Variants in WDFY4 observed in about 807,000 individuals in gnomAD.
WDFY4 encodes the protein WD repeat- and FYVE domain-containing protein 4.
WDFY4 carries 169 observed loss-of-function variants against 351.9 expected under a neutral mutation model. The observed-to-expected ratio is 0.48, with a 90% CI of 0.42 to 0.55. WDFY4 has a LOEUF of 0.55. Ranked by LOEUF, WDFY4 falls within the 20% of genes least tolerant of loss-of-function variation. The pLI, the probability that WDFY4 is intolerant of heterozygous loss-of-function variation, is 0.00. For missense variants in WDFY4, 3,803 were observed against 3,935.6 expected, an observed-to-expected ratio of 0.97 and a Z score of 0.90; for synonymous variants, 1,622 against 1,574.6, an observed-to-expected ratio of 1.03 and a Z score of -0.71.
intron 43 of WDFY4, among the ~76,000 whole-genome samples, chr10:48,884,551 T>C (rs2070380636): frequency 8.6e-6 from 1 of 116,506 alleles, no homozygotes; most frequent in African/African-American, 3.2e-5. Context: ...CATACACACA[T>C]GCACACACAC....
chr10:48,806,190 A>AG (rs1390913020), intron 27 of WDFY4, 95 bp downstream of exon 27: 2 of 1,277,406 alleles, frequency 1.6e-6, no homozygotes. Context: ...TAAGTAAGGA[A>AG]GGGGAAGGCA....
chr10:48,942,107 G>T (rs902597050), intron 48 of WDFY4, among the ~76,000 whole-genome samples: 1 of 152,138 alleles, frequency 6.6e-6, no homozygotes, highest in Non-Finnish European at 1.5e-5. Context: ...TGGGATTACA[G>T]GCACCTACCA....
intron 54 of WDFY4, among the ~76,000 whole-genome samples, chr10:48,965,515 T>G (rs1008928816): frequency 9.2e-5 from 14 of 152,204 alleles, no homozygotes; most frequent in Non-Finnish European, 4.4e-5. Flanking sequence ...TTTAAATAAG[T>G]TACCATTTGA....
intron 57 of WDFY4, among the ~76,000 whole-genome samples, chr10:48,971,652 C>G (rs142504440): frequency 6.6e-6 from 1 of 152,178 alleles, no homozygotes; most frequent in East Asian, 1.9e-4. Flanking sequence ...CACCCTAGAC[C>G]GTGTCCTTGT....
Position 48,709,928 on chromosome 10 carries a change from C to A in WDFY4, c.196C>A (p.Gln66Lys). Residue 66 changes from glutamine (Q) to lysine (K), a missense_variant, in exon 2 of 62, where the codon CAG (glutamine) becomes AAG (lysine). This residue lies in a region of WDFY4 where 488 missense variants were observed against 456.8 expected (regional missense o/e 1.07). Transcript: ENST00000325239. ...GACTCACAAGAGCCCCATTGAGCGT[C>A]AGAAGAGCCTGTTGAGTCTTCTCCC... is the stretch of plus-strand genomic sequence containing the variant. ...QLTHKSPIER[Q>K]KSLLSLLPLF... 1 of 1,552,238 alleles carries A rather than the reference C, an allele frequency of 6.4e-7. No individual in the cohort carries two copies. The highest frequency in any genetic ancestry group is 8.7e-7 in the Non-Finnish European group (1 of 1,147,102).
intron 24 of WDFY4, 39 bp downstream of exon 24, chr10:48,796,489 T>C (rs1360231690): frequency 1.3e-6 from 2 of 1,536,848 alleles, no homozygotes; most frequent in South Asian, 2.4e-5. Context: ...CAGGAGTGTG[T>C]GTGATGGTAA....
chr10:48,953,392 G>T (rs181768969), intron 51 of WDFY4, among the ~76,000 whole-genome samples: 1 of 147,614 alleles, frequency 6.8e-6, no homozygotes, highest in East Asian at 2.0e-4. Flanking sequence ...TATCATCCAG[G>T]GTTCATAGAC....
Position 48,811,654 on chromosome 10 carries a change from C to A in WDFY4, c.5160C>A (p.Ile1720=). The change falls in exon 30 of 62, where the codon ATC becomes ATA. Residue 1720 remains isoleucine, a synonymous_variant. Transcript: ENST00000325239. ...TCCACATTCCAGAGGTCTACCTCATCGTCTCCACCTTCTTCCTGCAGACAC... is the reference window on the plus strand; with the variant it reads ...TCCACATTCCAGAGGTCTACCTCATAGTCTCCACCTTCTTCCTGCAGACAC... ...HHVHIPEVYL[I]VSTFFLQTPL... 1.3e-6 allele frequency: 2 copies of A among 1,551,868 alleles called. No individual in the cohort carries two copies. The highest frequency in any genetic ancestry group is 1.7e-6 in the Non-Finnish European group (2 of 1,147,040).
intron 57 of WDFY4, 27 bp downstream of exon 57, chr10:48,970,316 TC>T: frequency 6.5e-7 from 1 of 1,545,832 alleles, no homozygotes; most frequent in Non-Finnish European, 8.7e-7. Flanking sequence ...GCAGGTGCGG[TC>T]CTCAGGTGGG....
At chr10:48,692,820 G>A (rs771130954) in intron 1 of WDFY4, among the ~76,000 whole-genome samples, 9 of 152,196 alleles carry the variant, frequency 5.9e-5, no homozygotes, top group Non-Finnish European at 1.0e-4. Context: ...CTGTTCCATT[G>A]TAATTACTGA....
chr10:48,722,009 G>C (rs1343412850), intron 4 of WDFY4, among the ~76,000 whole-genome samples: 1 of 152,108 alleles, frequency 6.6e-6, no homozygotes, highest in Non-Finnish European at 1.5e-5. Flanking sequence ...AGGGAACCTG[G>C]GTGGCTGCTG....
At position 48,778,633 on chromosome 10, in the gene WDFY4, T is replaced by A. The variant is rs1336269768; in HGVS notation, c.3198T>A (p.Pro1066=). The A allele has an allele frequency of 1.9e-6, 3 of 1,551,398 alleles. No homozygotes were observed. Among genetic ancestry groups the A allele is most frequent in the Non-Finnish European group, 2.6e-6 (3 of 1,147,016 alleles). ...CAGGTGCCACCAGACCGTTCCCTCCTCCTGGAGGTCTGACCTTCTCCTGCT... is the reference window on the plus strand; with the variant it reads ...CAGGTGCCACCAGACCGTTCCCTCCACCTGGAGGTCTGACCTTCTCCTGCT... ...IGTGATRPFP[P]PGGLTFSCWF... is the part of the protein sequence containing the mutation. The change falls in exon 18 of 62, where the codon CCT becomes CCA. Residue 1066 remains proline (P), a synonymous_variant. Transcript: ENST00000325239.
chr10:48,965,800 G>GTATCAGTTAGATATAGATTATATCTA (rs145562352), intron 54 of WDFY4, among the ~76,000 whole-genome samples: 1 of 152,118 alleles, frequency 6.6e-6, no homozygotes, highest in Non-Finnish European at 1.5e-5. Context: ...GATTATATCT[G>GTATCAGTTAGATATAGATTATATCTA]TATCAGTTAG....
chr10:48,830,340 C>A (rs2068147556), intron 37 of WDFY4, among the ~76,000 whole-genome samples: 1 of 152,068 alleles, frequency 6.6e-6, no homozygotes, highest in South Asian at 2.1e-4. Context: ...TATTTGACTA[C>A]CCTGAGATCA....
chr10:48,716,999 G>A (rs2063932006), intron 2 of WDFY4, among the ~76,000 whole-genome samples: 1 of 152,180 alleles, frequency 6.6e-6, no homozygotes, highest in Admixed American at 6.5e-5. Flanking sequence ...TGCTACTTTG[G>A]GTATGTGCAC....
At position 48,720,144 on chromosome 10, in the gene WDFY4, T is replaced by A; in HGVS notation, c.349+19T>A. On this transcript the variant is annotated intron_variant, in intron 3 of 61. Transcript: ENST00000325239. The stretch of plus-strand genomic sequence containing the variant: ...CCTGCGGGTAAGAGCATGGAGGTGC[T>A]GGCAGACCCTCTACAGAGAGCAGTG... 1 of 1,550,154 alleles carries A rather than the reference T, an allele frequency of 6.5e-7. No homozygotes were observed.
At chr10:48,910,168 G>A (rs1837867042) in intron 47 of WDFY4, 1 of 1,392,210 alleles carries the variant, frequency 7.2e-7, no homozygotes, top group Non-Finnish European at 1.0e-6. Flanking sequence ...CTCCTAACTG[G>A]GGGCTTCTCC....
At chr10:48,939,848 G>C (rs1345845341) in intron 47 of WDFY4, among the ~76,000 whole-genome samples, 1 of 152,150 alleles carries the variant, frequency 6.6e-6, no homozygotes, top group African/African-American at 2.4e-5. Context: ...AATGAGGAGG[G>C]GGATGGTGAA....
In WDFY4 at chr10:48,945,093, G is replaced by A. The variant is rs191017950; in HGVS notation, c.7750-947G>A. Among the ~76,000 whole-genome samples the A allele has an allele frequency of 8.0e-4, 122 of 152,286 alleles. 1 individual carries two copies. The highest frequency in any genetic ancestry group is 1.2e-3 in the Non-Finnish European group (82 of 68,002). ...ACTGCTAGTGGAAAGAAAGGGTTAT[G>A]AGCCAGGCGCAGTGGCTTATGTCTG... On this transcript the variant is annotated intron_variant, in intron 49 of 61. Transcript: ENST00000325239.
Sources: allele counts gnomAD v4.1 joint callset (sites outside exome capture counted in the v4.1 genomes callset), GRCh38; gene constraint gnomAD v4.1.1; regional missense constraint gnomAD v4.1.1; transcripts MANE v1.5; gene names NCBI Gene and HGNC (gene_info 2026-07-23, HGNC 2026-07-21).